The following HERC2 variants were observed in gnomAD, a reference collection of about 807,000 sequenced individuals.
HERC2 encodes HECT and RLD domain containing E3 ubiquitin protein ligase 2, also known as E3 ubiquitin-protein ligase HERC2.
In HERC2, 102 loss-of-function variants were observed where a neutral mutation model predicts 537.7. The observed-to-expected ratio is 0.19, with a 90% confidence interval of 0.16 to 0.22. HERC2 has a LOEUF of 0.22. HERC2 is among the 10% of genes least tolerant of loss of function. The pLI, the probability that HERC2 is intolerant of heterozygous loss-of-function variation, is 1.00. For synonymous variants in HERC2, 2,224 were observed against 2,466.2 expected (o/e 0.90, Z 2.91); for missense variants, 4,236 against 6,198.2 (o/e 0.68, Z 10.63).
intron 34 of HERC2, 82 bp downstream of exon 34, chr15:28,229,113 G>C (rs1901559212): frequency 3.3e-6 from 4 of 1,230,410 alleles, no homozygotes; most frequent in East Asian, 4.6e-5. Context: ...CTTCTCAAAA[G>C]CAAAAATTGG....
chr15:28,315,749 G>C, intron 2 of HERC2: 1 of 1,403,376 alleles, frequency 7.1e-7, no homozygotes, highest in Non-Finnish European at 9.7e-7. Context: ...AAAGAAGAAA[G>C]ATGAGGCAGA....
intron 2 of HERC2, among the ~76,000 whole-genome samples, chr15:28,313,192 A>AT (rs57465951): frequency 0.54 from 51,319 of 94,856 alleles, 16,453 homozygotes; most frequent in Non-Finnish European, 0.76. Context: ...CAGTTAAGGC[A>AT]TTTTTTTTTT....
At chr15:28,144,476 G>C (rs1272739565) in intron 72 of HERC2, among the ~76,000 whole-genome samples, 197 bp downstream of exon 72, 1 of 152,232 alleles carries the variant, frequency 6.6e-6, no homozygotes, top group East Asian at 1.9e-4. Flanking sequence ...GAGGAGGAGT[G>C]TGAGCCTGAC....
rs780807172 is a variant in HERC2 at position 28,229,463 on chromosome 15, A to G, written c.5117T>C (p.Ile1706Thr). The G allele has an allele frequency of 7.4e-6, 12 of 1,613,714 alleles. No individual in the cohort carries two copies. The highest frequency in any genetic ancestry group is 1.6e-4 in the Middle Eastern group (1 of 6,076). Residue 1706 changes from isoleucine to threonine, a missense_variant, in exon 33 of 93, where the codon ATA becomes ACA. Coordinates refer to ENST00000261609, the MANE Select transcript of HERC2 (RefSeq NM_004667.6). ...WQRLIPEGID[I>T]GEPLTDCLKD... is the part of the protein sequence containing the mutation. ...AAAAAATATGCTAACGTTTTACCCT[A>G]TATCGATTCCCTCAGGAATAAGTCT...
chr15:28,270,906 G>C (rs2075708262), intron 9 of HERC2, 38 bp from the exon 10 acceptor site: 1 of 1,582,474 alleles, frequency 6.3e-7, no homozygotes, highest in African/African-American at 1.3e-5. Context: ...AGAAATGGTG[G>C]GAAAAATTAA....
intron 2 of HERC2, among the ~76,000 whole-genome samples, chr15:28,317,816 C>T (rs1237922093): frequency 1.3e-5 from 2 of 152,234 alleles, no homozygotes; most frequent in East Asian, 3.8e-4. Context: ...ATTATAATTA[C>T]ATAAAATGTA....
rs373942206 is a variant in HERC2 at position 28,198,418 on chromosome 15, T to C, written c.7971A>G (p.Lys2657=). ...VKASVTTPKY[K]WGSVTHQSVG... is the part of the protein sequence containing the mutation. ...CACTCTGATGAGTCACAGATCCCCA[T>C]TTGTATTTTGGTGTGGTGACAGAGG... The change falls in exon 50 of 93, where the codon AAA becomes AAG. Residue 2657 remains lysine (K), a synonymous_variant. Transcript: ENST00000261609. 15 of 1,613,118 alleles carry C rather than the reference T, an allele frequency of 9.3e-6. No individual in the cohort carries two copies. In the African/African-American group the frequency reaches 2.0e-4, roughly 22 times the overall value.
At chr15:28,269,209 G>T (rs200703084) in intron 11 of HERC2, 39 bp downstream of exon 11, 1 of 1,566,022 alleles carries the variant, frequency 6.4e-7, no homozygotes, top group East Asian at 2.3e-5. Context: ...ACCCTGCCCC[G>T]CAAGGGAACA....
In HERC2 at chr15:28,274,849, C is replaced by T. The variant is rs568482757; in HGVS notation, c.643+56G>A. On this transcript the variant is annotated intron_variant, in intron 6 of 92. Transcript: ENST00000261609. ...CATGGTGGCTGAACCGAGTTCGAAA[C>T]CCAGTCTGTTGATGTATTAGGGAAG... 54 of 1,373,018 alleles carry T rather than the reference C, an allele frequency of 3.9e-5. No homozygotes were observed. The South Asian group carries it at 4.5e-4, about 12-fold the overall frequency. 85.1% of individuals were successfully genotyped at this position (1,373,018 alleles called of 1,614,324 possible). A position where few individuals can be genotyped will look rare whatever the true frequency, so the allele number is the denominator to read the frequency against.
In HERC2 at chr15:28,277,754, G is replaced by A. The variant is rs186528132; in HGVS notation, c.542+2314C>T. 2.2e-4 allele frequency among the ~76,000 whole-genome samples: 34 copies of A among 152,272 alleles called. No individual in the cohort carries two copies. In the East Asian group the frequency reaches 5.6e-3, roughly 25 times the overall value. On this transcript the variant is annotated intron_variant, in intron 5 of 92. Transcript: ENST00000261609. Reference sequence around the variant, plus strand: ...AACCATGGCACTCCTATTACCAAATGGGTAGGAATCTCATCTGTCTCTTGG... The same window carrying A: ...AACCATGGCACTCCTATTACCAAATAGGTAGGAATCTCATCTGTCTCTTGG...
chr15:28,210,106 C>A (rs1224025669), intron 44 of HERC2, among the ~76,000 whole-genome samples: 1 of 151,606 alleles, frequency 6.6e-6, no homozygotes, highest in Admixed American at 6.6e-5. Context: ...GGATTACAGG[C>A]GGCCACCACT....
intron 17 of HERC2, among the ~76,000 whole-genome samples, chr15:28,256,675 A>G (rs2075272154): frequency 6.6e-6 from 1 of 152,222 alleles, no homozygotes; most frequent in South Asian, 2.1e-4. Flanking sequence ...GCTCACTGCA[A>G]GCTCTGCCTC....
At chr15:28,197,386 A>G (rs1284032323) in intron 50 of HERC2, among the ~76,000 whole-genome samples, 1 of 152,210 alleles carries the variant, frequency 6.6e-6, no homozygotes. Context: ...ATATAATCTG[A>G]GAATTGTTCC....
At chr15:28,240,591 T>A (rs1375917560) in intron 23 of HERC2, among the ~76,000 whole-genome samples, 1 of 152,124 alleles carries the variant, frequency 6.6e-6, no homozygotes, top group Non-Finnish European at 1.5e-5. Flanking sequence ...TACAAAAACA[T>A]CACAGTGCTA....
At chr15:28,161,112 C>G (rs1470393832) in intron 69 of HERC2, among the ~76,000 whole-genome samples, 1 of 152,184 alleles carries the variant, frequency 6.6e-6, no homozygotes, top group East Asian at 1.9e-4. Flanking sequence ...ATCTACCAAA[C>G]TCTGCTGCGC....
At chr15:28,266,160 C>T (rs1295462285) in intron 12 of HERC2, among the ~76,000 whole-genome samples, 186 bp from the exon 13 acceptor site, 1 of 152,078 alleles carries the variant, frequency 6.6e-6, no homozygotes, top group Non-Finnish European at 1.5e-5. Flanking sequence ...ACTTTTTGTT[C>T]AGTTGGAACC....
chr15:28,264,831 C>A (rs1304544526), intron 14 of HERC2, among the ~76,000 whole-genome samples: 1 of 152,134 alleles, frequency 6.6e-6, no homozygotes, highest in African/African-American at 2.4e-5. Flanking sequence ...ACAGCAGGAG[C>A]CTTTCAGATG....
At chr15:28,269,014 T>C (rs2075646738) in intron 11 of HERC2, among the ~76,000 whole-genome samples, 2 of 152,222 alleles carry the variant, frequency 1.3e-5, no homozygotes. Context: ...GAAATGAGTT[T>C]ACAAACGGGA....
At chr15:28,253,642 A>G (rs999498923) in intron 20 of HERC2, among the ~76,000 whole-genome samples, 1 of 152,236 alleles carries the variant, frequency 6.6e-6, no homozygotes, top group African/African-American at 2.4e-5. Flanking sequence ...CACTATCTTA[A>G]TATGAAAACC....
Sources: gnomAD v4.1 joint callset for allele counts (sites outside exome capture counted in the v4.1 genomes callset) on GRCh38, gnomAD v4.1.1 for gene constraint, MANE v1.5 for transcripts, NCBI Gene and HGNC (gene_info 2026-07-23, HGNC 2026-07-21) for gene names.